SEPTIN7: variants seen among roughly 807,000 people sequenced by gnomAD.
SEPTIN7 encodes the protein septin 7.
SEPTIN7 carries 10 observed loss-of-function variants against 63.3 expected under a neutral mutation model. The observed-to-expected ratio is 0.16, with a 90% CI of 0.10 to 0.27. SEPTIN7 has a LOEUF of 0.27. Ranked by LOEUF, SEPTIN7 falls within the 10% of genes least tolerant of loss-of-function variation. The pLI is 1.00. For missense variants in SEPTIN7, 310 were observed against 521.0 expected (o/e 0.59, Z 3.94); for synonymous variants, 131 against 165.3 (o/e 0.79, Z 1.59).
chr7:35,910,097 A>G (rs1355546297), downstream of SEPTIN7, among the ~76,000 whole-genome samples: 2 of 152,208 alleles, frequency 1.3e-5, no homozygotes, highest in African/African-American at 4.8e-5. Context: ...GCCTTGTGAC[A>G]TGGTGGCTGG....
At chr7:35,848,905 G>A (rs148292744) in intron 3 of SEPTIN7, among the ~76,000 whole-genome samples, 16 of 152,208 alleles carry the variant, frequency 1.1e-4, no homozygotes, top group Middle Eastern at 3.4e-3. Context: ...ACCTCTTAGC[G>A]CCTCCCAGCC....
chr7:35,823,104 A>T (rs1783311801), intron 1 of SEPTIN7, among the ~76,000 whole-genome samples: 1 of 152,180 alleles, frequency 6.6e-6, no homozygotes, highest in Admixed American at 6.5e-5. Context: ...GTAAAATATT[A>T]AAAAAAGAAA....
chr7:35,828,372 AC>A (rs1783625258), intron 1 of SEPTIN7, among the ~76,000 whole-genome samples: 1 of 151,318 alleles, frequency 6.6e-6, no homozygotes, highest in African/African-American at 2.4e-5. Context: ...CTTTGCCTCG[AC>A]CCCCTTCTTC....
At chr7:35,889,476 G>A (rs920634925) in intron 10 of SEPTIN7, among the ~76,000 whole-genome samples, 11 of 152,248 alleles carry the variant, frequency 7.2e-5, no homozygotes, top group Admixed American at 2.6e-4. Context: ...GGAGATTCAA[G>A]AAGCTGGATT....
chr7:35,912,329 A>T, the SEPTIN7 span, among the ~76,000 whole-genome samples: 3 of 152,236 alleles, frequency 2.0e-5, no homozygotes, highest in African/African-American at 7.2e-5. Context: ...AGCATGAGCG[A>T]TCTGTGCCTA....
chr7:35,885,723 G>T (rs1383079715), intron 9 of SEPTIN7, 105 bp from the exon 10 acceptor site: 1 of 814,064 alleles, frequency 1.2e-6, no homozygotes, highest in Non-Finnish European at 2.1e-6. Context: ...GATCTGTTTT[G>T]CATTTCCTCT....
intron 6 of SEPTIN7, 95 bp from the exon 7 acceptor site, chr7:35,879,728 A>C (rs1307101035): frequency 2.7e-6 from 2 of 729,700 alleles, no homozygotes; most frequent in African/African-American, 3.5e-5. Flanking sequence ...AAGTAAGTAA[A>C]GTAGTTACAT....
At chr7:35,838,351 TCCCTCCCTCCCTCCTCCCTC>T (rs1784231058) in intron 3 of SEPTIN7, among the ~76,000 whole-genome samples, 1 of 11,532 alleles carries the variant, frequency 8.7e-5, no homozygotes, top group Non-Finnish European at 1.4e-4. Flanking sequence ...CCTCCCTCCC[TCCCTCCCTCCCTCCTCCCTC>T]CCTCCCTCCC....
At chr7:35,815,284 C>G (rs1301231827) in intron 1 of SEPTIN7, 1 of 292,892 alleles carries the variant, frequency 3.4e-6, no homozygotes, top group Non-Finnish European at 6.7e-6. Flanking sequence ...GTGCTCATTG[C>G]TGCTGGGGTG....
chr7:35,907,606 C>A (rs145452428), downstream of SEPTIN7, among the ~76,000 whole-genome samples: 69 of 152,156 alleles, frequency 4.5e-4, no homozygotes, highest in Non-Finnish European at 7.2e-4. Flanking sequence ...TTAGTTACAC[C>A]AGGGCCTGTG....
At chr7:35,903,416 T>A (rs1157352070) in intron 13 of SEPTIN7, among the ~76,000 whole-genome samples, 1 of 152,162 alleles carries the variant, frequency 6.6e-6, no homozygotes, top group Non-Finnish European at 1.5e-5. Context: ...TTTCAGTACA[T>A]CTTTCATGAC....
In SEPTIN7 at chr7:35,832,862, C is replaced by T. The variant is rs780819505; in HGVS notation, c.131C>T (p.Ser44Leu). Residue 44 changes from serine to leucine, a missense_variant, in exon 3 of 14, where the codon TCG (serine) becomes TTG (leucine). By Grantham distance (145) the Ser-to-Leu change is moderately radical. Transcript: ENST00000350320. ...ANLPNQVYRK[S>L]VKRGFEFTLM... ...CTCCCAAATCAAGTATACAGAAAAT[C>T]GGTGAAGAGAGGTTTTGAATTCACG... 6.2e-7 allele frequency: 1 copy of T among 1,610,014 alleles called. No homozygotes were observed. The highest frequency in any genetic ancestry group is 8.5e-7 in the Non-Finnish European group (1 of 1,176,544).
chr7:35,830,057 A>C (rs540159155), intron 1 of SEPTIN7, among the ~76,000 whole-genome samples: 1 of 152,150 alleles, frequency 6.6e-6, no homozygotes, highest in East Asian at 1.9e-4. Context: ...GTGGTGGCAC[A>C]TGCCTGTAAT....
At chr7:35,874,367 T>A (rs1653123072) in intron 6 of SEPTIN7, among the ~76,000 whole-genome samples, 5 of 152,156 alleles carry the variant, frequency 3.3e-5, no homozygotes, top group Admixed American at 2.6e-4. Flanking sequence ...TTGTTCTGTT[T>A]GTTATAGTTA....
rs150426341 is a variant in SEPTIN7, at chr7:35,849,278, G to A, written c.170-14274G>A. Reference sequence around the variant, plus strand: ...TTTTTTGGCACCAGGGACTGGTTTCGTGGAAGACAATTTTTCTGCCAGGGT... The same window carrying A: ...TTTTTTGGCACCAGGGACTGGTTTCATGGAAGACAATTTTTCTGCCAGGGT... On this transcript the variant is annotated intron_variant, in intron 3 of 13. Transcript: ENST00000350320. Among the ~76,000 whole-genome samples the A allele has an allele frequency of 8.5e-5, 13 of 152,242 alleles. No individual in the cohort carries two copies. The East Asian group carries it at 1.3e-3, about 16-fold the overall frequency.
chr7:35,844,836 C>G (rs971983650), intron 3 of SEPTIN7, among the ~76,000 whole-genome samples: 1 of 152,190 alleles, frequency 6.6e-6, no homozygotes, highest in Non-Finnish European at 1.5e-5. Context: ...CTCCTGACTA[C>G]AAGTGATCCA....
intron 7 of SEPTIN7, among the ~76,000 whole-genome samples, chr7:35,881,683 G>A (rs1362193493): frequency 1.3e-5 from 2 of 151,768 alleles, no homozygotes; most frequent in Non-Finnish European, 2.9e-5. Context: ...CAAAATATAA[G>A]TATAGACAGG....
rs188238186 is a variant in SEPTIN7 at position 35,876,483 on chromosome 7, A to G, written c.512+2708A>G. 6.5e-3 allele frequency among the ~76,000 whole-genome samples: 996 copies of G among 152,300 alleles called. 14 individuals are homozygous for G. The highest frequency in any genetic ancestry group is 0.023 in the African/African-American group (956 of 41,564). ...AGATTGAATATTTCATGGCATTTAT[A>G]TTTAGTGTTTTATATAATGATTAAT... On this transcript the variant is annotated intron_variant, in intron 6 of 13. Transcript: ENST00000350320.
chr7:35,889,595 A>C (rs1787511347), intron 10 of SEPTIN7, among the ~76,000 whole-genome samples: 1 of 152,010 alleles, frequency 6.6e-6, no homozygotes, highest in South Asian at 2.1e-4. Flanking sequence ...CTCAGGATGG[A>C]GTGCAATGCG....
Sources: allele counts gnomAD v4.1 joint callset (sites outside exome capture counted in the v4.1 genomes callset), GRCh38; gene constraint gnomAD v4.1.1; transcripts MANE v1.5; gene names NCBI Gene and HGNC (gene_info 2026-07-23, HGNC 2026-07-21).